Variants in LARGE1 observed in about 807,000 individuals in gnomAD.
LARGE1 encodes the protein LARGE xylosyl- and glucuronyltransferase 1, also known as xylosyl- and glucuronyltransferase LARGE1.
Under a neutral mutation model 87.6 loss-of-function variants are expected in LARGE1, and 43 were observed. That is an observed-to-expected ratio of 0.49 (90% CI 0.38 to 0.63). LARGE1 has a LOEUF of 0.63. Ranked by LOEUF, LARGE1 falls within the 30% of genes least tolerant of loss-of-function variation. LARGE1 has a pLI of 0.00. For missense variants in LARGE1, 802 were observed against 1,000.2 expected (o/e 0.80, Z 2.67); for synonymous variants, 434 against 394.6 (o/e 1.10, Z -1.18).
the LARGE1 span, among the ~76,000 whole-genome samples, chr22:33,123,297 A>G: frequency 1.1e-3 from 161 of 152,312 alleles, no homozygotes; most frequent in African/African-American, 3.8e-3. Flanking sequence ...GCATTATAAC[A>G]TAAAGAGCCA....
intron 1 of LARGE1, among the ~76,000 whole-genome samples, chr22:33,816,674 GGATA>G (rs1556115447): frequency 9.3e-4 from 132 of 141,432 alleles, no homozygotes; most frequent in East Asian, 3.9e-3. Flanking sequence ...ACGGATGGAT[GGATA>G]GATAGATAGA....
chr22:33,611,238 C>G (rs115795056), intron 4 of LARGE1, among the ~76,000 whole-genome samples: 1 of 7,106 alleles, frequency 1.4e-4, no homozygotes, highest in Non-Finnish European at 3.9e-4. Flanking sequence ...GATCCACTGG[C>G]GATGTGCACC....
chr22:33,899,422 G>T (rs2267314), intron 1 of LARGE1, among the ~76,000 whole-genome samples: 36,223 of 152,040 alleles, frequency 0.24, 4,558 homozygotes, highest in African/African-American at 0.3. Context: ...TTGCAAAATT[G>T]GATGTAACAA....
intron 1 of LARGE1, among the ~76,000 whole-genome samples, chr22:33,836,817 A>T (rs1236514623): frequency 6.6e-6 from 1 of 152,058 alleles, no homozygotes; most frequent in Admixed American, 6.6e-5. Context: ...AAAAGAATTA[A>T]TCCATGTAAA....
Position 33,814,518 on chromosome 22 carries a change from T to A in LARGE1, c.-82-52960A>T, listed in dbSNP as rs113673454. ...TCAGTTGACTTTAAGTAAAAGAGTC[T>A]ATCCTCAATTGTATTGATGGGCCTC... On this transcript the variant is annotated intron_variant, in intron 1 of 14. Transcript: ENST00000397394. Among the ~76,000 whole-genome samples the A allele has an allele frequency of 5.0e-3, 756 of 152,342 alleles. 6 individuals carry two copies. The highest frequency in any genetic ancestry group is 0.017 in the African/African-American group (699 of 41,590).
chr22:33,403,021 T>A (rs1011718242), intron 7 of LARGE1, among the ~76,000 whole-genome samples: 1 of 152,016 alleles, frequency 6.6e-6, no homozygotes, highest in Non-Finnish European at 1.5e-5. Flanking sequence ...TGATGTGGAA[T>A]ATGACTTACA....
chr22:33,445,769 C>T (rs1371044227), intron 6 of LARGE1, among the ~76,000 whole-genome samples: 1 of 151,908 alleles, frequency 6.6e-6, no homozygotes, highest in Non-Finnish European at 1.5e-5. Flanking sequence ...CCTGTCTCAG[C>T]CTCCTGAGTA....
Position 33,651,225 on chromosome 22 carries a change from C to CAAAAAA in LARGE1, c.107-563_107-558dup, listed in dbSNP as rs71187275. 6.5e-4 allele frequency among the ~76,000 whole-genome samples: 37 copies of CAAAAAA among 56,582 alleles called. 7 individuals carry two copies. The highest frequency in any genetic ancestry group is 1.9e-3 in the Admixed American group (13 of 6,678). 37.1% of individuals were successfully genotyped at this position (56,582 alleles called of 152,430 possible). ...TGAAACCCGGTCTCTACTAAAAATA[C>CAAAAAA]AAAAAAAAAAAAAAAAATTAGCCGG... On this transcript the variant is annotated intron_variant, in intron 2 of 14. Coordinates refer to ENST00000397394, the MANE Select transcript of LARGE1 (RefSeq NM_133642.5).
intron 6 of LARGE1, among the ~76,000 whole-genome samples, chr22:33,539,537 A>G (rs924923394): frequency 6.6e-6 from 1 of 151,940 alleles, no homozygotes; most frequent in African/African-American, 2.4e-5. Context: ...TTTCCTTTAG[A>G]TTGTCACAAT....
chr22:33,222,160 C>T (rs904207696), intron 11 of LARGE1, among the ~76,000 whole-genome samples: 4 of 152,140 alleles, frequency 2.6e-5, no homozygotes, highest in African/African-American at 4.8e-5. Flanking sequence ...ATTTCGAACA[C>T]GATACTTAAA....
At chr22:33,728,148 C>G (rs943268467) in intron 2 of LARGE1, among the ~76,000 whole-genome samples, 8 of 152,130 alleles carry the variant, frequency 5.3e-5, no homozygotes, top group Non-Finnish European at 8.8e-5. Context: ...TCAGTAGCCC[C>G]AACTCCACTT....
intron 1 of LARGE1, among the ~76,000 whole-genome samples, chr22:33,853,801 G>A (rs1568988133): frequency 6.6e-6 from 1 of 152,214 alleles, no homozygotes; most frequent in Non-Finnish European, 1.5e-5. Flanking sequence ...AACCTGCCTT[G>A]GGGCAGGCAC....
At chr22:33,478,927 T>C (rs908613086) in intron 6 of LARGE1, among the ~76,000 whole-genome samples, 8 of 152,148 alleles carry the variant, frequency 5.3e-5, no homozygotes, top group Non-Finnish European at 1.0e-4. Context: ...AGACCTTCCA[T>C]TTAGCCCCCA....
At chr22:33,141,207 C>A in the LARGE1 span, among the ~76,000 whole-genome samples, 1 of 151,880 alleles carries the variant, frequency 6.6e-6, no homozygotes, top group African/African-American at 2.4e-5. Flanking sequence ...CACACACACA[C>A]ACACACACAC....
chr22:33,276,409 A>G (rs1203454046), intron 14 of LARGE1, among the ~76,000 whole-genome samples: 1 of 152,226 alleles, frequency 6.6e-6, no homozygotes, highest in East Asian at 1.9e-4. Flanking sequence ...CTGAACTACA[A>G]TAGCAGAGTT....
intron 10 of LARGE1, among the ~76,000 whole-genome samples, chr22:33,318,243 A>C (rs959313113): frequency 2.0e-5 from 3 of 151,204 alleles, no homozygotes; most frequent in African/African-American, 7.3e-5. Flanking sequence ...TCAAAAAAAA[A>C]AAAAAAGAAT....
intron 11 of LARGE1, among the ~76,000 whole-genome samples, chr22:33,256,268 C>CT (rs1927260861): frequency 6.6e-6 from 1 of 152,224 alleles, no homozygotes; most frequent in African/African-American, 2.4e-5. Flanking sequence ...TGGGGAATGT[C>CT]TGTGTTATTT....
chr22:33,705,491 G>A (rs997068263), intron 2 of LARGE1, among the ~76,000 whole-genome samples: 13 of 150,336 alleles, frequency 8.6e-5, no homozygotes, highest in African/African-American at 3.3e-4. Flanking sequence ...CTTCATTCCA[G>A]CATGGAACTA....
At chr22:33,741,315 T>C (rs2083872246) in intron 2 of LARGE1, among the ~76,000 whole-genome samples, 1 of 152,118 alleles carries the variant, frequency 6.6e-6, no homozygotes, top group East Asian at 1.9e-4. Context: ...GTGTCAGAAA[T>C]AGGAACACCA....
Sources: allele counts gnomAD v4.1 joint callset (sites outside exome capture counted in the v4.1 genomes callset), GRCh38; gene constraint gnomAD v4.1.1; transcripts MANE v1.5; gene names NCBI Gene and HGNC (gene_info 2026-07-23, HGNC 2026-07-21).